Variants in APLP2 observed in about 807,000 individuals in gnomAD.
APLP2 encodes amyloid beta precursor like protein 2.
A neutral mutation model predicts 89.9 loss-of-function variants in APLP2; 53 were observed. The ratio of observed to expected loss-of-function variants is 0.59; its 90% CI spans 0.47 to 0.74. The LOEUF is 0.74. APLP2 is among the 30% of genes least tolerant of loss of function. APLP2 has a pLI of 0.00. For missense variants in APLP2, 973 were observed against 975.9 expected (o/e 1.00, Z 0.04); for synonymous variants, 372 against 348.6 (o/e 1.07, Z -0.75).
At chr11:130,087,689 C>G (rs919882084) in intron 1 of APLP2, among the ~76,000 whole-genome samples, 76 of 152,176 alleles carry the variant, frequency 5.0e-4, no homozygotes, top group African/African-American at 1.8e-3. Context: ...GCAGAATGGC[C>G]CTGCGATTGG....
intron 1 of APLP2, among the ~76,000 whole-genome samples, chr11:130,093,877 G>A (rs1163470498): frequency 6.6e-6 from 1 of 151,996 alleles, no homozygotes; most frequent in East Asian, 1.9e-4. Flanking sequence ...CCGCGTAGCT[G>A]GAATTACAGG....
chr11:130,112,419 A>G (rs1948701713), intron 3 of APLP2, among the ~76,000 whole-genome samples: 1 of 137,112 alleles, frequency 7.3e-6, no homozygotes, highest in Non-Finnish European at 1.7e-5. Context: ...TGCAGGGCCC[A>G]CTGGGCACTA....
intron 1 of APLP2, among the ~76,000 whole-genome samples, chr11:130,091,730 CA>C (rs1945279621): frequency 6.8e-6 from 1 of 146,294 alleles, no homozygotes; most frequent in Admixed American, 6.6e-5. Flanking sequence ...CTGACCCCCC[CA>C]CCTCCCTCCC....
chr11:130,140,658 T>C, intron 14 of APLP2, 175 bp downstream of exon 14: 1 of 445,142 alleles, frequency 2.2e-6, no homozygotes, highest in Non-Finnish European at 4.0e-6. Flanking sequence ...CATCTGGGTA[T>C]GAAAAGGATT....
intron 2 of APLP2, 58 bp from the exon 3 acceptor site, chr11:130,110,480 G>A: frequency 6.3e-7 from 1 of 1,594,630 alleles, no homozygotes; most frequent in Non-Finnish European, 8.6e-7. Context: ...ATCCTTACTT[G>A]CAAGTGTGTG....
At chr11:130,116,841 A>T (rs149116758) in intron 3 of APLP2, among the ~76,000 whole-genome samples, 2,650 of 151,926 alleles carry the variant, frequency 0.017, 37 homozygotes, top group Non-Finnish European at 0.025. Flanking sequence ...ATATATATAT[A>T]TTTTTAGGCC....
At chr11:130,093,435 C>T (rs879404092) in intron 1 of APLP2, among the ~76,000 whole-genome samples, 4 of 152,106 alleles carry the variant, frequency 2.6e-5, no homozygotes, top group South Asian at 2.1e-4. Flanking sequence ...AATTTAAAGA[C>T]GTTCAGATAA....
At position 130,129,103 on chromosome 11, in the gene APLP2, A is replaced by AGGCT; in HGVS notation, c.1353_1354insGCTG (p.Leu452AlafsTer16). ...AAGGAAGCAGCCAGTGAGAAGCAGCAGCTGGTGGAGACCCACCTGGCCCGA... is the reference window on the plus strand; with the variant it reads ...AAGGAAGCAGCCAGTGAGAAGCAGCAGGCTGCTGGTGGAGACCCACCTGGCCCGA... On this transcript the variant is annotated frameshift_variant, in exon 10 of 17. Coordinates refer to ENST00000338167, the MANE Select transcript of APLP2 (RefSeq NM_001142276.2). LOFTEE classifies it high-confidence loss of function. The AGGCT allele has an allele frequency of 6.2e-7, 1 of 1,614,220 alleles. No individual in the cohort carries two copies. Among genetic ancestry groups the AGGCT allele is most frequent in the Non-Finnish European group, 8.5e-7 (1 of 1,180,032 alleles).
At position 130,143,775 on chromosome 11, in the gene APLP2, A is replaced by G. The variant is rs898980719; in HGVS notation, c.*327A>G. 1 of 223,372 alleles carries G rather than the reference A, an allele frequency of 4.5e-6. No homozygotes were observed. The highest frequency in any genetic ancestry group is 9.0e-6 in the Non-Finnish European group (1 of 110,752). 13.8% of individuals were successfully genotyped at this position (223,372 alleles called of 1,614,324 possible). A position where few individuals can be genotyped will look rare whatever the true frequency, so the allele number is the denominator to read the frequency against. On this transcript the variant is annotated 3_prime_UTR_variant, in exon 17 of 17. Coordinates refer to ENST00000338167, the MANE Select transcript of APLP2 (RefSeq NM_001142276.2). ...GTCTGACACATGCTCTCAATATATA[A>G]TAAATGGGAAATGTCGATTTTCAAT...
At chr11:130,097,092 G>A (rs1946306480) in intron 1 of APLP2, among the ~76,000 whole-genome samples, 1 of 152,162 alleles carries the variant, frequency 6.6e-6, no homozygotes, top group Non-Finnish European at 1.5e-5. Flanking sequence ...ATAAATCACA[G>A]GAAAGATGTC....
At chr11:130,133,190 A>G (rs1354951789) in intron 11 of APLP2, among the ~76,000 whole-genome samples, 1 of 151,420 alleles carries the variant, frequency 6.6e-6, no homozygotes, top group East Asian at 1.9e-4. Context: ...TAGCACAGTC[A>G]TAGCTCACTG....
chr11:130,115,541 T>C (rs1295938841), intron 3 of APLP2, among the ~76,000 whole-genome samples: 1 of 152,208 alleles, frequency 6.6e-6, no homozygotes, highest in Non-Finnish European at 1.5e-5. Context: ...TAAATGAATA[T>C]TGTATAGGTT....
intron 14 of APLP2, 112 bp downstream of exon 14, chr11:130,140,595 A>G (rs1299273381): frequency 1.8e-5 from 15 of 823,432 alleles, no homozygotes; most frequent in Non-Finnish European, 2.6e-5. Context: ...TTTTCCGCAC[A>G]GTAGAAGGTT....
intron 16 of APLP2, 87 bp downstream of exon 16, chr11:130,142,161 C>T: frequency 7.3e-7 from 1 of 1,375,396 alleles, no homozygotes; most frequent in South Asian, 1.5e-5. Flanking sequence ...CATCTTCACT[C>T]CTCGAGTACT....
At chr11:130,091,741 C>T (rs1433130223) in intron 1 of APLP2, among the ~76,000 whole-genome samples, 23 of 146,292 alleles carry the variant, frequency 1.6e-4, no homozygotes, top group East Asian at 4.3e-4. Context: ...ACCTCCCTCC[C>T]GGACGGCACG....
chr11:130,099,023 G>A (rs752803311), intron 1 of APLP2, among the ~76,000 whole-genome samples: 7 of 152,028 alleles, frequency 4.6e-5, no homozygotes, highest in Non-Finnish European at 8.8e-5. Context: ...TGCTCTGCAC[G>A]TACTAGTCAG....
intron 1 of APLP2, among the ~76,000 whole-genome samples, chr11:130,074,302 G>A (rs960794262): frequency 1.3e-5 from 2 of 151,926 alleles, no homozygotes; most frequent in Admixed American, 6.6e-5. Context: ...TGCAACCTCC[G>A]TTTTTCAGGT....
At chr11:130,115,043 T>C (rs1273053628) in intron 3 of APLP2, among the ~76,000 whole-genome samples, 1 of 151,574 alleles carries the variant, frequency 6.6e-6, no homozygotes, top group Non-Finnish European at 1.5e-5. Flanking sequence ...CGTGGATCCT[T>C]CACTTCTCTG....
chr11:130,133,590 T>C (rs1951179669), intron 11 of APLP2, 39 bp from the exon 12 acceptor site: 8 of 1,519,768 alleles, frequency 5.3e-6, no homozygotes, highest in Middle Eastern at 1.7e-4. Context: ...CCTAGTTGTT[T>C]TCAGTCACAA....
Sources: allele counts gnomAD v4.1 joint callset (sites outside exome capture counted in the v4.1 genomes callset), GRCh38; gene constraint gnomAD v4.1.1; transcripts MANE v1.5; gene names NCBI Gene and HGNC (gene_info 2026-07-23, HGNC 2026-07-21).